GALNT18: variants seen among roughly 807,000 people sequenced by gnomAD.
GALNT18 encodes the protein GalNAc-transferase 18.
Under a neutral mutation model 69.5 loss-of-function variants are expected in GALNT18, and 44 were observed. The ratio of observed to expected loss-of-function variants is 0.63; its 90% CI spans 0.50 to 0.81. The LOEUF (loss-of-function observed/expected upper bound fraction) is 0.81. Among genes scored for constraint, GALNT18 ranks in the 40% least tolerant of loss-of-function variants. The pLI, the probability that GALNT18 is intolerant of heterozygous loss-of-function variation, is 0.00. For missense variants in GALNT18, 715 were observed against 810.0 expected (o/e 0.88, Z 1.42); for synonymous variants, 364 against 318.2 (o/e 1.14, Z -1.53).
At chr11:11,509,534 T>C (rs1857128511) in intron 1 of GALNT18, among the ~76,000 whole-genome samples, 1 of 152,226 alleles carries the variant, frequency 6.6e-6, no homozygotes, top group African/African-American at 2.4e-5. Flanking sequence ...CCTAGCATCA[T>C]GTGCTATGCA....
At chr11:11,476,824 T>G (rs965700226) in intron 1 of GALNT18, among the ~76,000 whole-genome samples, 1 of 152,232 alleles carries the variant, frequency 6.6e-6, no homozygotes, top group Non-Finnish European at 1.5e-5. Context: ...GGCACCAAGA[T>G]GCAATGGATA....
At position 11,606,236 on chromosome 11, in the gene GALNT18, G is replaced by C. The variant is rs1463970347; in HGVS notation, c.235+15123C>G. ...AGCAAACTCCTACCTAGCCCCTACT[G>C]TATACCTGGCACTGTGTGACAAACT... On this transcript the variant is annotated intron_variant, in intron 1 of 10. Transcript: ENST00000227756. This position sits in a 1 kb window ranked among gnomAD's most constrained non-coding sequence, Gnocchi z 5.4. 1.3e-5 allele frequency among the ~76,000 whole-genome samples: 2 copies of C among 152,256 alleles called. No homozygotes were observed. The highest frequency in any genetic ancestry group is 1.9e-4 in the East Asian group (1 of 5,180).
rs1457320658 is a variant in GALNT18, at chr11:11,542,176, C to T, written c.235+79183G>A. On this transcript the variant is annotated intron_variant, in intron 1 of 10. Coordinates refer to ENST00000227756, the MANE Select transcript of GALNT18 (RefSeq NM_198516.3). The surrounding 1 kb of genome is among the most constrained non-coding windows in gnomAD (Gnocchi z 4.3). ...AAGCTTATTTACTGACCATTAAAGA[C>T]TTTGCCCAAAGGCTGTGGCTGCGTC... Among the ~76,000 whole-genome samples, 2 of 152,182 alleles carry T rather than the reference C, an allele frequency of 1.3e-5. No homozygotes were observed. Among genetic ancestry groups the T allele is most frequent in the Admixed American group, 6.6e-5 (1 of 15,262 alleles).
At chr11:11,408,470 G>T (rs914066910) in intron 3 of GALNT18, among the ~76,000 whole-genome samples, 5 of 151,332 alleles carry the variant, frequency 3.3e-5, no homozygotes, top group African/African-American at 1.2e-4. Flanking sequence ...ATGCAGAGAA[G>T]ACTCTGGAAG....
At chr11:11,288,033 C>T (rs1849225752) in intron 10 of GALNT18, among the ~76,000 whole-genome samples, 1 of 152,188 alleles carries the variant, frequency 6.6e-6, no homozygotes, top group South Asian at 2.1e-4. Flanking sequence ...CAGTTTCCTC[C>T]TTAACTTGCT....
rs145154853 is a variant in GALNT18 at position 11,586,919 on chromosome 11, C to T, written c.235+34440G>A. On this transcript the variant is annotated intron_variant, in intron 1 of 10. Coordinates refer to ENST00000227756, the MANE Select transcript of GALNT18 (RefSeq NM_198516.3). The surrounding 1 kb of genome is among the most constrained non-coding windows in gnomAD (Gnocchi z 4.1). ...AGGAGAATCACTTGAACCCAGGAGG[C>T]GGAGGGTGCAGTGAGCCGAGATCGT... Among the ~76,000 whole-genome samples the T allele has an allele frequency of 6.9e-3, 1,055 of 152,116 alleles. 8 individuals are homozygous for T. The highest frequency in any genetic ancestry group is 0.024 in the African/African-American group (1,002 of 41,484).
intron 1 of GALNT18, among the ~76,000 whole-genome samples, chr11:11,484,006 C>A (rs1384767501): frequency 1.3e-5 from 2 of 152,074 alleles, no homozygotes; most frequent in East Asian, 1.9e-4. Flanking sequence ...GTAACCCCCT[C>A]CCCGGAAGGA....
intron 3 of GALNT18, among the ~76,000 whole-genome samples, chr11:11,424,538 G>A (rs576351540): frequency 6.6e-6 from 1 of 152,266 alleles, no homozygotes; most frequent in African/African-American, 2.4e-5. Flanking sequence ...CAACAAAATT[G>A]ACAGAATGAC....
At chr11:11,385,577 G>A (rs1464539808) in intron 3 of GALNT18, among the ~76,000 whole-genome samples, 1 of 152,122 alleles carries the variant, frequency 6.6e-6, no homozygotes, top group African/African-American at 2.4e-5. Context: ...TTACAGGTGT[G>A]AGCCACCATG....
chr11:11,504,884 A>G (rs1444704248), intron 1 of GALNT18, among the ~76,000 whole-genome samples: 1 of 152,196 alleles, frequency 6.6e-6, no homozygotes, highest in East Asian at 1.9e-4. Context: ...TGACTCAGAG[A>G]TGAACCAAGT....
rs963660924 is a variant in GALNT18 at position 11,454,077 on chromosome 11, C to T, written c.236-5141G>A. ...AACGAATAGGGCATTAGCAGTGGGTCGTCGTGAGGTCAGAAAACTCCCTGC... is the reference window on the plus strand; with the variant it reads ...AACGAATAGGGCATTAGCAGTGGGTTGTCGTGAGGTCAGAAAACTCCCTGC... On this transcript the variant is annotated intron_variant, in intron 1 of 10. Coordinates refer to ENST00000227756, the MANE Select transcript of GALNT18 (RefSeq NM_198516.3). This position sits in a 1 kb window ranked among gnomAD's most constrained non-coding sequence, Gnocchi z 4.2. Among the ~76,000 whole-genome samples, 2 of 152,120 alleles carry T rather than the reference C, an allele frequency of 1.3e-5. No individual in the cohort carries two copies. Among genetic ancestry groups the T allele is most frequent in the Non-Finnish European group, 2.9e-5 (2 of 68,024 alleles).
rs1272661022 is a variant in GALNT18 at position 11,382,887 on chromosome 11, AGGAGGCAG to A, written c.596-3631_596-3624del. ...GCTTGTTTTAATGCGTTGGAGAAAG[AGGAGGCAG>A]GGAGTCTGCTTGCTGTGACTCTGCC... On this transcript the variant is annotated intron_variant, in intron 3 of 10. Transcript: ENST00000227756. This position sits in a 1 kb window ranked among gnomAD's most constrained non-coding sequence, Gnocchi z 4.3. 6.6e-6 allele frequency among the ~76,000 whole-genome samples: 1 copy of A among 152,342 alleles called. No homozygotes were observed. The highest frequency in any genetic ancestry group is 1.9e-4 in the East Asian group (1 of 5,188).
rs553486283 is a variant in GALNT18 at position 11,340,944 on chromosome 11, G to T, written c.1153C>A (p.Arg385=). The T allele has an allele frequency of 6.2e-7, 1 of 1,612,784 alleles. No homozygotes were observed. ...TCCTCTGTGTAGGGCTTGTGGGCTC[G>T]CTCAATGTGGGCAATCCGTGAGCAG... ...LPCSRIAHIE[R]AHKPYTEDLT... is the part of the protein sequence containing the mutation. The change falls in exon 7 of 11, where the codon CGA becomes AGA. Residue 385 remains arginine, a synonymous_variant. Coordinates refer to ENST00000227756, the MANE Select transcript of GALNT18 (RefSeq NM_198516.3). This position sits in a 1 kb window ranked among gnomAD's most constrained non-coding sequence, Gnocchi z 4.2.
chr11:11,279,826 T>C (rs773286048), intron 10 of GALNT18, among the ~76,000 whole-genome samples: 2 of 152,184 alleles, frequency 1.3e-5, no homozygotes, highest in Non-Finnish European at 2.9e-5. Context: ...ACCTAGGGAT[T>C]TGCTTTGTTT....
intron 1 of GALNT18, among the ~76,000 whole-genome samples, chr11:11,458,376 T>C (rs1590021048): frequency 1.3e-5 from 2 of 152,242 alleles, no homozygotes; most frequent in East Asian, 3.8e-4. Context: ...ATTCACCCAT[T>C]TTAAATGTAC....
At chr11:11,527,791 G>C (rs1017177075) in intron 1 of GALNT18, among the ~76,000 whole-genome samples, 5 of 152,164 alleles carry the variant, frequency 3.3e-5, no homozygotes, top group Non-Finnish European at 7.3e-5. Context: ...TTCATTGCCT[G>C]ATGGACATCA....
intron 3 of GALNT18, among the ~76,000 whole-genome samples, chr11:11,397,776 G>A (rs1323315922): frequency 6.6e-6 from 1 of 152,144 alleles, no homozygotes; most frequent in Non-Finnish European, 1.5e-5. Context: ...CGGCCCACAA[G>A]GGCTTATATT....
intron 1 of GALNT18, among the ~76,000 whole-genome samples, chr11:11,610,046 C>A (rs12801323): frequency 6.6e-6 from 1 of 152,188 alleles, no homozygotes; most frequent in Non-Finnish European, 1.5e-5. Flanking sequence ...TAGAGTTTCT[C>A]TCAGTCTTCC....
Position 11,555,168 on chromosome 11 carries a change from C to A in GALNT18, c.235+66191G>T, listed in dbSNP as rs1209306106. Among the ~76,000 whole-genome samples, 1 of 152,194 alleles carries A rather than the reference C, an allele frequency of 6.6e-6. No homozygotes were observed. The highest frequency in any genetic ancestry group is 1.5e-5 in the Non-Finnish European group (1 of 68,020). ...AGGACTCTGAATGATGAGTCCTGCTCAGGATCCCTGATGGGCTGCTCAGGG... is the reference window on the plus strand; with the variant it reads ...AGGACTCTGAATGATGAGTCCTGCTAAGGATCCCTGATGGGCTGCTCAGGG... On this transcript the variant is annotated intron_variant, in intron 1 of 10. Coordinates refer to ENST00000227756, the MANE Select transcript of GALNT18 (RefSeq NM_198516.3). The surrounding 1 kb of genome is among the most constrained non-coding windows in gnomAD (Gnocchi z 4.7).
Sources: allele counts gnomAD v4.1 joint callset (sites outside exome capture counted in the v4.1 genomes callset), GRCh38; gene constraint gnomAD v4.1.1; non-coding constraint Gnocchi (gnomAD v3.1); transcripts MANE v1.5; gene names NCBI Gene and HGNC (gene_info 2026-07-23, HGNC 2026-07-21).